The following VTA1 variants were observed in gnomAD, a reference collection of about 807,000 sequenced individuals.
VTA1 encodes vacuolar protein sorting-associated protein VTA1 homolog.
In VTA1, 24 loss-of-function variants were observed where a neutral mutation model predicts 36.9. That is an observed-to-expected ratio of 0.65 (90% CI 0.47 to 0.91). The LOEUF (loss-of-function observed/expected upper bound fraction) is 0.91, where lower values mean the gene tolerates loss of function less well. VTA1 is among the 40% of genes least tolerant of loss of function. The pLI, the probability that VTA1 is intolerant of heterozygous loss-of-function variation, is 0.00. For synonymous variants in VTA1, 142 were observed against 130.2 expected, an observed-to-expected ratio of 1.09 and a Z score of -0.62; for missense variants, 393 against 377.2, an observed-to-expected ratio of 1.04 and a Z score of -0.35.
At chr6:142,181,094 AATATATATAT>A (rs1169535055) in intron 4 of VTA1, among the ~76,000 whole-genome samples, 1 of 36,424 alleles carries the variant, frequency 2.7e-5, no homozygotes, top group South Asian at 1.4e-3. Context: ...AAAAAAAAAA[AATATATATAT>A]ATATATATAT....
At chr6:142,173,830 A>G (rs1467785610) in intron 4 of VTA1, among the ~76,000 whole-genome samples, 2 of 152,172 alleles carry the variant, frequency 1.3e-5, no homozygotes, top group Non-Finnish European at 2.9e-5. Context: ...AACTAGGGCA[A>G]AACTGTAAAT....
chr6:142,170,699 C>A (rs1049616958), intron 4 of VTA1, among the ~76,000 whole-genome samples: 1 of 151,998 alleles, frequency 6.6e-6, no homozygotes, highest in Middle Eastern at 3.2e-3. Flanking sequence ...GTGGTGTGAT[C>A]TCAGCTCACT....
chr6:142,186,341 G>A lies in VTA1; in HGVS notation c.412-3085G>A, dbSNP rs777199306. ...GTAGACCCTTGTATCCAAAGTTAGA[G>A]TTTATTTTGCATTTTAAATGAAAAG... On this transcript the variant is annotated intron_variant, in intron 4 of 7. Transcript: ENST00000367630. 5.5e-4 allele frequency among the ~76,000 whole-genome samples: 83 copies of A among 152,222 alleles called. 1 individual carries two copies. The highest frequency in any genetic ancestry group is 1.1e-3 in the Non-Finnish European group (73 of 68,024).
chr6:142,160,549 G>T (rs772110497), intron 1 of VTA1, among the ~76,000 whole-genome samples: 13 of 151,994 alleles, frequency 8.6e-5, no homozygotes, highest in Non-Finnish European at 1.9e-4. Context: ...ACTCCAGTGT[G>T]TTTTTTCAAC....
Position 142,222,617 on chromosome 6 carries a change from T to G in VTA1, c.*3974T>G, listed in dbSNP as rs1325042291. ...TAATAGCAGCATTGTACAAATATTT[T>G]CAACTCTAAAAGAATAATAGCTAAT... On this transcript the variant is annotated 3_prime_UTR_variant, in exon 8 of 8. Transcript: ENST00000367630. 6.6e-6 allele frequency: 1 copy of G among 152,262 alleles called. No individual in the cohort carries two copies. Among genetic ancestry groups the G allele is most frequent in the East Asian group, 1.9e-4 (1 of 5,200 alleles). The allele number at this position is 152,262 out of a possible 1,614,324, so 9.4% of individuals were successfully genotyped here. A position where few individuals can be genotyped will look rare whatever the true frequency, so the allele number is the denominator to read the frequency against.
intron 7 of VTA1, among the ~76,000 whole-genome samples, chr6:142,204,487 G>A (rs917046419): frequency 3.3e-5 from 5 of 152,010 alleles, no homozygotes; most frequent in South Asian, 2.1e-4. Context: ...AAATCTCTGA[G>A]GTTACTTTGG....
Position 142,224,055 on chromosome 6 carries a change from T to C in VTA1, c.*5412T>C, listed in dbSNP as rs1005750275. The C allele has an allele frequency of 6.6e-6, 1 of 152,216 alleles. No homozygotes were observed. The highest frequency in any genetic ancestry group is 2.4e-5 in the African/African-American group (1 of 41,438). The allele number at this position is 152,216 out of a possible 1,614,324, so 9.4% of individuals were successfully genotyped here. ...TTTTGAAGCACTGATCTCCAGTGTG[T>C]CTGTGTTCAGAGGCAGGTCCCATAG... On this transcript the variant is annotated 3_prime_UTR_variant, in exon 8 of 8. Transcript: ENST00000367630.
chr6:142,205,467 T>A (rs893660818), intron 7 of VTA1, among the ~76,000 whole-genome samples: 1 of 152,178 alleles, frequency 6.6e-6, no homozygotes. Context: ...CAAAATAATT[T>A]TTAAATATGT....
intron 4 of VTA1, 81 bp from the exon 5 acceptor site, chr6:142,189,345 A>G (rs1338553807): frequency 5.5e-5 from 64 of 1,161,002 alleles, no homozygotes; most frequent in Non-Finnish European, 7.4e-5. Context: ...TATCTCAGAA[A>G]TATGATATAG....
chr6:142,192,705 TGTG>T (rs1458325615), intron 5 of VTA1, among the ~76,000 whole-genome samples: 2 of 17,868 alleles, frequency 1.1e-4, no homozygotes, highest in Non-Finnish European at 3.1e-4. Context: ...TATATATTTG[TGTG>T]TGTGTGTGTG....
chr6:142,159,658 T>C (rs1774755612), intron 1 of VTA1, among the ~76,000 whole-genome samples: 1 of 151,422 alleles, frequency 6.6e-6, no homozygotes, highest in African/African-American at 2.4e-5. Flanking sequence ...GGACTACAGG[T>C]GCCTGCCACC....
At chr6:142,203,355 G>A (rs1211799835) in intron 6 of VTA1, among the ~76,000 whole-genome samples, 1 of 151,866 alleles carries the variant, frequency 6.6e-6, no homozygotes, top group African/African-American at 2.4e-5. Context: ...CCTGCTGATT[G>A]AATCATTTCA....
intron 4 of VTA1, among the ~76,000 whole-genome samples, chr6:142,185,497 G>T (rs964444136): frequency 1.3e-5 from 2 of 152,118 alleles, no homozygotes; most frequent in Admixed American, 1.3e-4. Flanking sequence ...CATTTTAAAA[G>T]AATGTCATTT....
At chr6:142,180,071 G>A (rs1775198246) in intron 4 of VTA1, among the ~76,000 whole-genome samples, 1 of 152,192 alleles carries the variant, frequency 6.6e-6, no homozygotes, top group African/African-American at 2.4e-5. Context: ...TATAGTTTGT[G>A]TATCTGTATA....
rs1282090422 is a variant in VTA1, at chr6:142,198,149, GTGTGTGTGTGTGTGTA to G, written c.521-288_521-273del. On this transcript the variant is annotated intron_variant, in intron 5 of 7. Transcript: ENST00000367630. ...TGTGTGTGTGTGTGTGTGTGTGTGT[GTGTGTGTGTGTGTGTA>G]TATGTGTGTACATATACACTATATG... Among the ~76,000 whole-genome samples the G allele has an allele frequency of 1.0e-3, 152 of 148,506 alleles. No individual in the cohort carries two copies. In the East Asian group the frequency reaches 0.012, roughly 12 times the overall value.
intron 7 of VTA1, among the ~76,000 whole-genome samples, chr6:142,214,732 T>C (rs1775974387): frequency 6.6e-6 from 1 of 152,198 alleles, no homozygotes; most frequent in Admixed American, 6.5e-5. Flanking sequence ...GTGACAAATA[T>C]ACCACTCAAG....
At chr6:142,152,004 A>G (rs994955017) in intron 1 of VTA1, among the ~76,000 whole-genome samples, 6 of 152,184 alleles carry the variant, frequency 3.9e-5, no homozygotes, top group African/African-American at 1.4e-4. Flanking sequence ...TTGCACTCCA[A>G]CCTGGGGAAC....
chr6:142,168,740 C>T (rs1055500002), intron 2 of VTA1, among the ~76,000 whole-genome samples: 117 of 140,804 alleles, frequency 8.3e-4, no homozygotes, highest in African/African-American at 2.8e-3. Context: ...TGAGAGATAT[C>T]ATTATTATTA....
chr6:142,152,130 G>A (rs1778580845), intron 1 of VTA1, among the ~76,000 whole-genome samples: 1 of 151,934 alleles, frequency 6.6e-6, no homozygotes, highest in African/African-American at 2.4e-5. Context: ...TTCACTGAGG[G>A]ATGTTGGAAC....
Sources: allele counts gnomAD v4.1 joint callset (sites outside exome capture counted in the v4.1 genomes callset), GRCh38; gene constraint gnomAD v4.1.1; transcripts MANE v1.5; gene names NCBI Gene and HGNC (gene_info 2026-07-23, HGNC 2026-07-21).